The following PLEKHA2 variants were observed in gnomAD, a reference collection of about 807,000 sequenced individuals.
PLEKHA2 encodes pleckstrin homology domain containing A2.
Under a neutral mutation model 53.2 loss-of-function variants are expected in PLEKHA2, and 28 were observed. That is an observed-to-expected ratio of 0.53 (90% confidence interval 0.39 to 0.72). The LOEUF (loss-of-function observed/expected upper bound fraction) is 0.72, where lower values mean the gene tolerates loss of function less well. PLEKHA2 is among the 30% of genes least tolerant of loss of function. PLEKHA2 has a pLI of 0.00. For missense variants in PLEKHA2, 426 were observed against 537.9 expected (o/e 0.79, Z 2.06); for synonymous variants, 193 against 196.4 (o/e 0.98, Z 0.14).
intron 6 of PLEKHA2, 24 bp downstream of exon 6, chr8:38,951,014 GGGGGGAGT>G: frequency 6.2e-7 from 1 of 1,605,428 alleles, no homozygotes; most frequent in Non-Finnish European, 8.5e-7. Flanking sequence ...CTGGGGCTGC[GGGGGGAGT>G]GGGGGTGTGG....
intron 10 of PLEKHA2, among the ~76,000 whole-genome samples, chr8:38,966,317 G>A (rs942980867): frequency 6.6e-6 from 1 of 151,654 alleles, no homozygotes; most frequent in Non-Finnish European, 1.5e-5. Context: ...GGGGGGATGA[G>A]GGGGGATGTG....
At chr8:38,948,990 CCTCCTGAGTAGCTGGGGTTACAGGT>C in intron 5 of PLEKHA2, among the ~76,000 whole-genome samples, 1 of 152,250 alleles carries the variant, frequency 6.6e-6, no homozygotes, top group South Asian at 2.1e-4. Flanking sequence ...CCTGCCTCAG[CCTCCTGAGTAGCTGGGGTTACAGGT>C]GCCCGCCACT....
At position 38,922,920 on chromosome 8, in the gene PLEKHA2, C is replaced by G. The variant is rs1440028879; in HGVS notation, c.141+4850C>G. On this transcript the variant is annotated intron_variant, in intron 2 of 11. Transcript: ENST00000617275. The surrounding 1 kb of genome is among the most constrained non-coding windows in gnomAD (Gnocchi z 4.0). ...CATCGACTCAAGTGTGCAACCTCCT[C>G]TTTGTCTGCCTCCCTCCTCCCACTG... Among the ~76,000 whole-genome samples, 1 of 152,308 alleles carries G rather than the reference C, an allele frequency of 6.6e-6. No homozygotes were observed. Among genetic ancestry groups the G allele is most frequent in the African/African-American group, 2.4e-5 (1 of 41,578 alleles).
intron 2 of PLEKHA2, among the ~76,000 whole-genome samples, chr8:38,928,455 G>C (rs1182829953): frequency 6.6e-6 from 1 of 151,924 alleles, no homozygotes; most frequent in African/African-American, 2.4e-5. Context: ...CACCATGTTG[G>C]CCAGGTTGGT....
rs776999651 is a variant in PLEKHA2, at chr8:38,908,293, C to T, written c.-24+6848C>T. 3.9e-5 allele frequency among the ~76,000 whole-genome samples: 6 copies of T among 152,184 alleles called. No individual in the cohort carries two copies. In the South Asian group the frequency reaches 6.2e-4, roughly 16 times the overall value. On this transcript the variant is annotated intron_variant, in intron 1 of 11. Coordinates refer to ENST00000617275, the MANE Select transcript of PLEKHA2 (RefSeq NM_021623.2). ...GGATGTTGCCATACGAAGTAAGAAACCCAAACAGCTTGGAGGGTGCTAAAG... is the reference window on the plus strand; with the variant it reads ...GGATGTTGCCATACGAAGTAAGAAATCCAAACAGCTTGGAGGGTGCTAAAG...
intron 10 of PLEKHA2, among the ~76,000 whole-genome samples, chr8:38,967,288 T>TA (rs148909064): frequency 1.9e-3 from 291 of 152,332 alleles, no homozygotes; most frequent in African/African-American, 6.5e-3. Context: ...ATGATTTCTT[T>TA]AAAAAATTTT....
At chr8:38,929,445 C>A (rs528022987) in intron 2 of PLEKHA2, among the ~76,000 whole-genome samples, 1 of 152,294 alleles carries the variant, frequency 6.6e-6, no homozygotes, top group African/African-American at 2.4e-5. Flanking sequence ...ATAATCAGCT[C>A]TTAGATAATG....
At position 38,943,906 on chromosome 8, in the gene PLEKHA2, A is replaced by G. The variant is rs1834658879; in HGVS notation, c.247+69A>G. ...GCAACTTCCTCTTTTGCATGGAGAC[A>G]GTCCTGTGATCACATGTGACTATAC... On this transcript the variant is annotated intron_variant, in intron 4 of 11. Coordinates refer to ENST00000617275, the MANE Select transcript of PLEKHA2 (RefSeq NM_021623.2). 2.9e-5 allele frequency: 39 copies of G among 1,333,836 alleles called. 1 individual carries two copies. In the South Asian group the frequency reaches 5.0e-4, roughly 17 times the overall value. 82.6% of individuals were successfully genotyped at this position (1,333,836 alleles called of 1,614,324 possible). A position where few individuals can be genotyped will look rare whatever the true frequency, so the allele number is the denominator to read the frequency against.
intron 10 of PLEKHA2, 22 bp from the exon 11 acceptor site, chr8:38,968,570 A>T (rs375561304): frequency 3.7e-6 from 6 of 1,612,860 alleles, no homozygotes; most frequent in Non-Finnish European, 5.1e-6. Flanking sequence ...ATTTCTTGGT[A>T]AGAGCCATGG....
At chr8:38,928,735 A>G (rs1208642583) in intron 2 of PLEKHA2, among the ~76,000 whole-genome samples, 1 of 152,238 alleles carries the variant, frequency 6.6e-6, no homozygotes, top group Non-Finnish European at 1.5e-5. Flanking sequence ...AGAGGATGAT[A>G]TAGAATCGAC....
chr8:38,949,490 T>TA (rs1422950754), intron 5 of PLEKHA2, among the ~76,000 whole-genome samples: 16 of 152,234 alleles, frequency 1.1e-4, no homozygotes, highest in African/African-American at 3.9e-4. Context: ...ATGCAGATTT[T>TA]AAAAAATACT....
At chr8:38,965,146 G>A (rs1457711492) in intron 10 of PLEKHA2, among the ~76,000 whole-genome samples, 2 of 152,042 alleles carry the variant, frequency 1.3e-5, no homozygotes, top group Non-Finnish European at 2.9e-5. Flanking sequence ...GAATAATAGT[G>A]GTATTTTGAT....
intron 1 of PLEKHA2, among the ~76,000 whole-genome samples, chr8:38,916,791 A>G (rs1188962994): frequency 2.0e-5 from 3 of 152,234 alleles, no homozygotes; most frequent in African/African-American, 7.2e-5. Context: ...TATACCCAGC[A>G]GTGGGATTGC....
chr8:38,906,085 C>T (rs535514720), intron 1 of PLEKHA2, among the ~76,000 whole-genome samples: 1 of 152,368 alleles, frequency 6.6e-6, no homozygotes, highest in East Asian at 1.9e-4. Flanking sequence ...TTCCAGGACT[C>T]GCAGCTGTTG....
At chr8:38,953,207 A>G (rs987151071) in intron 8 of PLEKHA2, 90 bp from the exon 9 acceptor site, 3 of 1,021,156 alleles carry the variant, frequency 2.9e-6, no homozygotes, top group African/African-American at 1.6e-5. Context: ...TTAGCCAACC[A>G]TCTCTGAGAA....
At chr8:38,906,900 A>G (rs1389734755) in intron 1 of PLEKHA2, among the ~76,000 whole-genome samples, 1 of 152,222 alleles carries the variant, frequency 6.6e-6, no homozygotes, top group Non-Finnish European at 1.5e-5. Flanking sequence ...TTCTAGCAAC[A>G]GGTGAGTGAC....
At chr8:38,926,716 G>A (rs948507147) in intron 2 of PLEKHA2, among the ~76,000 whole-genome samples, 6 of 152,306 alleles carry the variant, frequency 3.9e-5, no homozygotes, top group Admixed American at 2.0e-4. Flanking sequence ...GATCACCTGC[G>A]GTCAGGAGTT....
chr8:38,902,928 T>C (rs1833814408), intron 1 of PLEKHA2, among the ~76,000 whole-genome samples: 1 of 152,230 alleles, frequency 6.6e-6, no homozygotes, highest in Admixed American at 6.5e-5. Flanking sequence ...ATCTCAGACA[T>C]TAGCCCTCTT....
intron 10 of PLEKHA2, among the ~76,000 whole-genome samples, chr8:38,966,442 G>T (rs1208280695): frequency 6.6e-6 from 1 of 152,094 alleles, no homozygotes; most frequent in East Asian, 1.9e-4. Context: ...ACAGAGGAAG[G>T]CTAACATGCA....
Sources: allele counts gnomAD v4.1 joint callset (sites outside exome capture counted in the v4.1 genomes callset), GRCh38; gene constraint gnomAD v4.1.1; non-coding constraint Gnocchi (gnomAD v3.1); transcripts MANE v1.5; gene names NCBI Gene and HGNC (gene_info 2026-07-23, HGNC 2026-07-21).